The following CLEC16A variants were observed in gnomAD, a reference collection of about 807,000 sequenced individuals.
CLEC16A encodes protein CLEC16A.
A neutral mutation model predicts 109.5 loss-of-function variants in CLEC16A; 51 were observed. The ratio of observed to expected loss-of-function variants is 0.47; its 90% CI spans 0.37 to 0.59. The LOEUF is 0.59. Among genes scored for constraint, CLEC16A ranks in the 20% least tolerant of loss-of-function variants. The pLI, the probability that CLEC16A is intolerant of heterozygous loss-of-function variation, is 0.00. For missense variants in CLEC16A, 1,339 were observed against 1,394.0 expected, an observed-to-expected ratio of 0.96 and a Z score of 0.63; for synonymous variants, 673 against 564.2, an observed-to-expected ratio of 1.19 and a Z score of -2.73.
At chr16:11,039,651 A>G in intron 13 of CLEC16A, 103 bp from the exon 14 acceptor site, 4 of 1,277,134 alleles carry the variant, frequency 3.1e-6, no homozygotes, top group Non-Finnish European at 4.2e-6. Flanking sequence ...AAGAGGGAAC[A>G]TATGTGGCTG....
At chr16:11,034,669 C>A (rs2046926177) in intron 13 of CLEC16A, among the ~76,000 whole-genome samples, 1 of 152,116 alleles carries the variant, frequency 6.6e-6, no homozygotes, top group African/African-American at 2.4e-5. Flanking sequence ...GTGGGCGGGG[C>A]AGGGAACATG....
intron 19 of CLEC16A, among the ~76,000 whole-genome samples, chr16:11,100,849 C>G (rs1393072226): frequency 6.6e-6 from 1 of 152,178 alleles, no homozygotes; most frequent in Admixed American, 6.5e-5. Flanking sequence ...TGCAGATGAA[C>G]TTTTAAACAA....
intron 23 of CLEC16A, among the ~76,000 whole-genome samples, chr16:11,173,333 G>A (rs559871525): frequency 5.9e-5 from 9 of 152,208 alleles, no homozygotes; most frequent in African/African-American, 2.2e-4. Flanking sequence ...AGTGCTCTAT[G>A]GCGTCACATT....
chr16:11,008,150 C>T (rs1379777778), intron 11 of CLEC16A, among the ~76,000 whole-genome samples: 1 of 152,168 alleles, frequency 6.6e-6, no homozygotes, highest in Non-Finnish European at 1.5e-5. Flanking sequence ...TGCAGGCTGT[C>T]CCTTATATCC....
intron 20 of CLEC16A, 45 bp downstream of exon 20, chr16:11,120,811 AAC>A (rs3217121): frequency 0.28 from 255,341 of 913,326 alleles, 18,213 homozygotes; most frequent in African/African-American, 0.47. Flanking sequence ...GTTGGCTACA[AAC>A]ACACACACAC....
Position 11,035,607 on chromosome 16 carries a change from G to A in CLEC16A, c.1538-4147G>A, listed in dbSNP as rs566512781. Among the ~76,000 whole-genome samples the A allele has an allele frequency of 5.3e-5, 8 of 152,232 alleles. No individual in the cohort carries two copies. In the South Asian group the frequency reaches 6.2e-4, roughly 12 times the overall value. ...GTCTTTTTTGAGCCTCAGCTTCCTC[G>A]TCTATAAAATGGAAATACTATTAGC... On this transcript the variant is annotated intron_variant, in intron 13 of 23. Transcript: ENST00000409790.
chr16:11,150,054 G>A (rs986688201), intron 22 of CLEC16A: 3 of 152,142 alleles, frequency 2.0e-5, no homozygotes, highest in Non-Finnish European at 2.9e-5. Context: ...ATTTATGGGC[G>A]GGTTTATTAG....
Position 11,044,089 on chromosome 16 carries a change from A to G in CLEC16A, c.1815+17A>G. 6.2e-7 allele frequency: 1 copy of G among 1,602,212 alleles called. No homozygotes were observed. Among genetic ancestry groups the G allele is most frequent in the Non-Finnish European group, 8.5e-7 (1 of 1,172,442 alleles). ...TTTTATAAGGTAATTGGCAGAGCACAGATGGACAGCAGCATGGTGTGTATT... is the reference window on the plus strand; with the variant it reads ...TTTTATAAGGTAATTGGCAGAGCACGGATGGACAGCAGCATGGTGTGTATT... On this transcript the variant is annotated intron_variant, in intron 16 of 23. Coordinates refer to ENST00000409790, the MANE Select transcript of CLEC16A (RefSeq NM_015226.3).
intron 19 of CLEC16A, among the ~76,000 whole-genome samples, chr16:11,061,765 A>G (rs2152905869): frequency 6.6e-6 from 1 of 152,314 alleles, no homozygotes; most frequent in African/African-American, 2.4e-5. Flanking sequence ...TAAGGAAAAG[A>G]AAGGGAAATT....
At chr16:11,042,389 C>G in intron 15 of CLEC16A, 26 bp downstream of exon 15, 1 of 1,524,492 alleles carries the variant, frequency 6.6e-7, no homozygotes, top group South Asian at 1.2e-5. Flanking sequence ...CTCCTCCTTC[C>G]TGTGGGCCAA....
intron 13 of CLEC16A, 25 bp downstream of exon 13, chr16:11,024,946 T>G: frequency 6.5e-7 from 1 of 1,527,942 alleles, no homozygotes; most frequent in South Asian, 1.2e-5. Flanking sequence ...CTTGCCTGAC[T>G]TCCTTGCTGG....
chr16:10,965,713 A>G (rs1178397708), intron 3 of CLEC16A, among the ~76,000 whole-genome samples: 1 of 152,222 alleles, frequency 6.6e-6, no homozygotes, highest in Non-Finnish European at 1.5e-5. Context: ...TCCCGGGTTT[A>G]TTAGAAAAGG....
chr16:11,007,604 A>C (rs1439551086), intron 11 of CLEC16A, among the ~76,000 whole-genome samples: 1 of 152,208 alleles, frequency 6.6e-6, no homozygotes, highest in Non-Finnish European at 1.5e-5. Flanking sequence ...AGCGTTCAGC[A>C]TGTGACACAG....
intron 19 of CLEC16A, among the ~76,000 whole-genome samples, chr16:11,081,137 C>T (rs1241639810): frequency 1.3e-5 from 2 of 152,220 alleles, no homozygotes; most frequent in Non-Finnish European, 2.9e-5. Flanking sequence ...AGTTGTATGG[C>T]CTGGGCCCCA....
At chr16:11,046,589 G>A (rs1039864404) in intron 16 of CLEC16A, among the ~76,000 whole-genome samples, 2 of 152,148 alleles carry the variant, frequency 1.3e-5, no homozygotes, top group African/African-American at 2.4e-5. Flanking sequence ...AACCCTGAAC[G>A]AGTGACAGGT....
At chr16:11,126,368 AT>A in intron 22 of CLEC16A, 1 of 1,449,504 alleles carries the variant, frequency 6.9e-7, no homozygotes, top group Non-Finnish European at 9.1e-7. Flanking sequence ...TTTTCCAGAG[AT>A]TTGTTGGGTA....
At chr16:11,086,857 C>T (rs2050039695) in intron 19 of CLEC16A, among the ~76,000 whole-genome samples, 1 of 152,172 alleles carries the variant, frequency 6.6e-6, no homozygotes, top group African/African-American at 2.4e-5. Flanking sequence ...AGCGCTACCC[C>T]ATCTCCTTCA....
intron 8 of CLEC16A, 44 bp downstream of exon 8, chr16:10,977,443 A>G (rs200836606): frequency 1.5e-5 from 23 of 1,570,270 alleles, no homozygotes; most frequent in East Asian, 1.4e-4. Flanking sequence ...GGCCATCAGA[A>G]GTGGGGAAGA....
chr16:10,981,074 C>G (rs1398908436), intron 9 of CLEC16A, among the ~76,000 whole-genome samples: 1 of 152,214 alleles, frequency 6.6e-6, no homozygotes, highest in South Asian at 2.1e-4. Context: ...TACTCACCCT[C>G]CCTCTTTTTT....
Sources: allele counts gnomAD v4.1 joint callset (sites outside exome capture counted in the v4.1 genomes callset), GRCh38; gene constraint gnomAD v4.1.1; transcripts MANE v1.5; gene names NCBI Gene and HGNC (gene_info 2026-07-23, HGNC 2026-07-21).